FHIT: variants seen among roughly 807,000 people sequenced by gnomAD.
FHIT encodes fragile histidine triad diadenosine triphosphatase.
A neutral mutation model predicts 17.9 loss-of-function variants in FHIT; 19 were observed. The observed-to-expected ratio is 1.06, with a 90% CI of 0.74 to 1.56. The LOEUF (loss-of-function observed/expected upper bound fraction) is 1.56. Among genes scored for constraint, FHIT ranks in the 40% most tolerant of loss-of-function variants. The pLI, the probability that FHIT is intolerant of heterozygous loss-of-function variation, is 0.00. For synonymous variants in FHIT, 81 were observed against 69.7 expected (o/e 1.16, Z -0.81); for missense variants, 248 against 189.2 (o/e 1.31, Z -1.82).
At chr3:60,053,678 C>T (rs1304860827) in intron 5 of FHIT, among the ~76,000 whole-genome samples, 2 of 151,940 alleles carry the variant, frequency 1.3e-5, no homozygotes, top group Non-Finnish European at 2.9e-5. Context: ...ACATCCCCCA[C>T]CCCCGCTTTT....
In FHIT at chr3:60,900,429, C is replaced by T. The variant is rs145547511; in HGVS notation, c.-110-78418G>A. 1.8e-4 allele frequency among the ~76,000 whole-genome samples: 24 copies of T among 136,010 alleles called. No homozygotes were observed. The East Asian group carries it at 4.5e-3, about 26-fold the overall frequency. The allele number at this position is 136,010 out of a possible 152,430, so 89.2% of individuals were successfully genotyped here. A position where few individuals can be genotyped will look rare whatever the true frequency, so the allele number is the denominator to read the frequency against. On this transcript the variant is annotated intron_variant, in intron 3 of 9. Transcript: ENST00000492590. ...CCAGTCTGAGCTACATAGTGAGATG[C>T]CCATTTCAAAAGAAAAGAAAAAAAA...
At chr3:60,374,149 T>C (rs979014126) in intron 5 of FHIT, among the ~76,000 whole-genome samples, 1 of 152,176 alleles carries the variant, frequency 6.6e-6, no homozygotes, top group Non-Finnish European at 1.5e-5. Context: ...AACAGAAGAA[T>C]TAAGCCAAGA....
intron 8 of FHIT, among the ~76,000 whole-genome samples, chr3:59,917,228 T>C (rs1490356516): frequency 1.3e-5 from 2 of 152,262 alleles, no homozygotes; most frequent in African/African-American, 4.8e-5. Flanking sequence ...ATGAAATTCA[T>C]GGTTGAATTT....
At chr3:61,136,606 T>G (rs891121374) in intron 2 of FHIT, among the ~76,000 whole-genome samples, 1 of 152,128 alleles carries the variant, frequency 6.6e-6, no homozygotes, top group African/African-American at 2.4e-5. Flanking sequence ...TCTTTTTAAA[T>G]AAAATGACAA....
At chr3:60,224,631 A>G (rs1704106950) in intron 5 of FHIT, among the ~76,000 whole-genome samples, 1 of 152,088 alleles carries the variant, frequency 6.6e-6, no homozygotes, top group Admixed American at 6.5e-5. Flanking sequence ...AACAAATTAT[A>G]TGTCCACCCA....
chr3:60,520,227 A>G (rs1239026004), intron 5 of FHIT, among the ~76,000 whole-genome samples: 2 of 151,996 alleles, frequency 1.3e-5, no homozygotes, highest in Non-Finnish European at 1.5e-5. Context: ...CTTTTTTTAG[A>G]TATTTCTAGC....
chr3:60,948,810 GATTAGCAA>G (rs1708747815), intron 3 of FHIT, among the ~76,000 whole-genome samples: 1 of 152,184 alleles, frequency 6.6e-6, no homozygotes, highest in Non-Finnish European at 1.5e-5. Flanking sequence ...CAAGTGTAGT[GATTAGCAA>G]ATATGAGCTG....
In FHIT at chr3:60,407,067, A is replaced by ATTTTTTTT. The variant is rs34542104; in HGVS notation, c.103+129785_103+129792dup. Among the ~76,000 whole-genome samples, 25 of 62,902 alleles carry ATTTTTTTT rather than the reference A, an allele frequency of 4.0e-4. 3 individuals carry two copies. The highest frequency in any genetic ancestry group is 1.5e-3 in the African/African-American group (21 of 14,382). The allele number at this position is 62,902 out of a possible 152,430, so 41.3% of individuals were successfully genotyped here. ...GTGAACTACTCAAAGCCTGCCAATAATTTTTTTTTTTTTTTTTTTTTTTTT... is the reference window on the plus strand; with the variant it reads ...GTGAACTACTCAAAGCCTGCCAATAATTTTTTTTTTTTTTTTTTTTTTTTTTTTTTTTT... On this transcript the variant is annotated intron_variant, in intron 5 of 9. Coordinates refer to ENST00000492590, the MANE Select transcript of FHIT (RefSeq NM_002012.4).
intron 8 of FHIT, among the ~76,000 whole-genome samples, chr3:59,861,927 T>C (rs1456208985): frequency 6.6e-6 from 1 of 152,214 alleles, no homozygotes; most frequent in Non-Finnish European, 1.5e-5. Flanking sequence ...TGTGTGTTTT[T>C]TCCCCAAAGG....
chr3:61,056,573 A>G (rs763794286), intron 2 of FHIT, among the ~76,000 whole-genome samples: 5 of 152,276 alleles, frequency 3.3e-5, no homozygotes, highest in East Asian at 1.9e-4. Flanking sequence ...TCCCATGTCA[A>G]TGACACTGAA....
At chr3:60,577,944 A>C (rs1377631075) in intron 4 of FHIT, among the ~76,000 whole-genome samples, 9 of 152,136 alleles carry the variant, frequency 5.9e-5, no homozygotes, top group Admixed American at 5.9e-4. Flanking sequence ...TCAAAAGGCT[A>C]AGGGATCACT....
At chr3:60,734,499 C>T (rs1466259895) in intron 4 of FHIT, among the ~76,000 whole-genome samples, 3 of 152,180 alleles carry the variant, frequency 2.0e-5, no homozygotes, top group African/African-American at 7.2e-5. Flanking sequence ...GCCACCCAGG[C>T]TCAGAAGGTC....
chr3:60,039,202 G>T (rs1477143077), intron 5 of FHIT, among the ~76,000 whole-genome samples: 1 of 152,136 alleles, frequency 6.6e-6, no homozygotes, highest in Non-Finnish European at 1.5e-5. Context: ...TTGCCTTGAG[G>T]TTCCCAAGAC....
At chr3:61,055,889 G>A (rs1048904040) in intron 2 of FHIT, among the ~76,000 whole-genome samples, 4 of 152,152 alleles carry the variant, frequency 2.6e-5, no homozygotes, top group African/African-American at 9.7e-5. Context: ...GGTTGCATGA[G>A]ATATTTTGAT....
intron 4 of FHIT, among the ~76,000 whole-genome samples, chr3:60,672,583 C>T (rs1165220238): frequency 2.0e-5 from 3 of 152,138 alleles, no homozygotes; most frequent in South Asian, 2.1e-4. Flanking sequence ...TCAGTTACTT[C>T]GGGCCATCTG....
intron 5 of FHIT, among the ~76,000 whole-genome samples, chr3:60,444,483 G>T (rs1362295938): frequency 6.6e-6 from 1 of 152,104 alleles, no homozygotes; most frequent in Non-Finnish European, 1.5e-5. Flanking sequence ...AGAAAATGTG[G>T]CATATATATA....
At chr3:59,918,770 T>C (rs1705262456) in intron 8 of FHIT, among the ~76,000 whole-genome samples, 1 of 152,150 alleles carries the variant, frequency 6.6e-6, no homozygotes, top group Admixed American at 6.5e-5. Context: ...TGTATAGGCC[T>C]AGAGAATGAG....
At chr3:60,137,958 C>G (rs1699884019) in intron 5 of FHIT, among the ~76,000 whole-genome samples, 1 of 152,144 alleles carries the variant, frequency 6.6e-6, no homozygotes, top group African/African-American at 2.4e-5. Flanking sequence ...TTATCTTGAC[C>G]AGCTCCACTT....
intron 2 of FHIT, among the ~76,000 whole-genome samples, chr3:61,106,139 T>A (rs1226367413): frequency 6.6e-6 from 1 of 152,200 alleles, no homozygotes; most frequent in East Asian, 1.9e-4. Context: ...AGGGAGATAA[T>A]GAGCATCAGG....
Sources: gnomAD v4.1 joint callset for allele counts (sites outside exome capture counted in the v4.1 genomes callset) on GRCh38, gnomAD v4.1.1 for gene constraint, MANE v1.5 for transcripts, NCBI Gene and HGNC (gene_info 2026-07-23, HGNC 2026-07-21) for gene names.